Variants in SRRM4 observed in about 807,000 individuals in gnomAD.
SRRM4 encodes serine/arginine repetitive matrix protein 4.
Under a neutral mutation model 68.9 loss-of-function variants are expected in SRRM4, and 33 were observed. That is an observed-to-expected ratio of 0.48 (90% confidence interval 0.36 to 0.64). The LOEUF (loss-of-function observed/expected upper bound fraction) is 0.64, where lower values mean the gene tolerates loss of function less well. SRRM4 is among the 30% of genes least tolerant of loss of function. SRRM4 has a pLI of 0.00. For synonymous variants in SRRM4, 318 were observed against 318.8 expected (o/e 1.00, Z 0.03); for missense variants, 817 against 827.1 (o/e 0.99, Z 0.15).
chr12:119,105,860 C>T (rs533575472), intron 2 of SRRM4, among the ~76,000 whole-genome samples: 6,001 of 152,214 alleles, frequency 0.039, 132 homozygotes, highest in African/African-American at 0.056. Flanking sequence ...CTTTTGTTGC[C>T]ATTGCTTTTG....
intron 8 of SRRM4, among the ~76,000 whole-genome samples, chr12:119,140,511 C>T (rs147565793): frequency 1.3e-5 from 2 of 152,312 alleles, no homozygotes; most frequent in African/African-American, 4.8e-5. Flanking sequence ...TCCCACTACC[C>T]TTCCCAGTCT....
chr12:119,022,163 C>CTTAAAATAAAATTTAATAAAAT (rs901851014), intron 1 of SRRM4, among the ~76,000 whole-genome samples: 8 of 151,358 alleles, frequency 5.3e-5, no homozygotes, highest in African/African-American at 1.9e-4. Flanking sequence ...TATCCTGGAA[C>CTTAAAATAAAATTTAATAAAAT]TTAAAATAAA....
chr12:119,068,481 C>A (rs945717971), intron 1 of SRRM4, among the ~76,000 whole-genome samples: 17 of 152,206 alleles, frequency 1.1e-4, no homozygotes, highest in African/African-American at 4.1e-4. Flanking sequence ...CTTCAGCAAG[C>A]AAAGAGAAGA....
At chr12:119,078,164 G>T (rs1477232270) in intron 1 of SRRM4, among the ~76,000 whole-genome samples, 1 of 152,096 alleles carries the variant, frequency 6.6e-6, no homozygotes, top group Non-Finnish European at 1.5e-5. Flanking sequence ...TCATGACTTT[G>T]GGAAAACTAT....
chr12:119,085,063 G>T (rs745745854), intron 1 of SRRM4, among the ~76,000 whole-genome samples: 2 of 152,042 alleles, frequency 1.3e-5, no homozygotes, highest in Admixed American at 1.3e-4. Flanking sequence ...ACCACGCTGG[G>T]CTAATTTTTG....
Position 118,998,263 on chromosome 12 carries a change from T to C in SRRM4, c.131+16250T>C, listed in dbSNP as rs973333217. On this transcript the variant is annotated intron_variant, in intron 1 of 12. Transcript: ENST00000267260. ...TGTGCAACTGAGTGGATAAGAGCAATATGGCAAAAAAAAAAAAAAAAAAAA... is the reference window on the plus strand; with the variant it reads ...TGTGCAACTGAGTGGATAAGAGCAACATGGCAAAAAAAAAAAAAAAAAAAA... 1.3e-4 allele frequency among the ~76,000 whole-genome samples: 4 copies of C among 30,658 alleles called. No individual in the cohort carries two copies. In the Admixed American group the frequency reaches 1.7e-3, roughly 13 times the overall value. 20.1% of individuals were successfully genotyped at this position (30,658 alleles called of 152,430 possible).
chr12:119,125,305 A>C, intron 6 of SRRM4, 76 bp from the exon 7 acceptor site: 1 of 1,368,658 alleles, frequency 7.3e-7, no homozygotes, highest in Non-Finnish European at 1.0e-6. Context: ...CGGGTGTCAC[A>C]AGATCAAATC....
At chr12:119,110,515 T>C (rs1355179092) in intron 2 of SRRM4, among the ~76,000 whole-genome samples, 1 of 152,200 alleles carries the variant, frequency 6.6e-6, no homozygotes, top group African/African-American at 2.4e-5. Context: ...CTACTTAAGC[T>C]TCAGCAATGG....
At chr12:119,068,030 G>A (rs970927824) in intron 1 of SRRM4, among the ~76,000 whole-genome samples, 1 of 152,232 alleles carries the variant, frequency 6.6e-6, no homozygotes, top group Non-Finnish European at 1.5e-5. Context: ...TTGACAGAAT[G>A]CAAGTCCACT....
At chr12:118,991,579 A>G (rs1248086777) in intron 1 of SRRM4, 1 of 152,248 alleles carries the variant, frequency 6.6e-6, no homozygotes, top group African/African-American at 2.4e-5. Context: ...CTCTTCCCCC[A>G]GATACGCAGC....
chr12:119,091,215 A>C (rs745432280), intron 1 of SRRM4, among the ~76,000 whole-genome samples: 8 of 152,198 alleles, frequency 5.3e-5, no homozygotes, highest in Non-Finnish European at 1.2e-4. Flanking sequence ...CCTGTGAGTG[A>C]CCCTGCAGTG....
chr12:119,068,146 T>G (rs944570117), intron 1 of SRRM4, among the ~76,000 whole-genome samples: 1 of 152,238 alleles, frequency 6.6e-6, no homozygotes, highest in Non-Finnish European at 1.5e-5. Flanking sequence ...CCTTCTCGTC[T>G]TGGCTTTGTG....
intron 1 of SRRM4, among the ~76,000 whole-genome samples, chr12:119,012,033 G>T (rs1170663028): frequency 6.6e-6 from 1 of 152,174 alleles, no homozygotes; most frequent in South Asian, 2.1e-4. Flanking sequence ...CTCAGTAAAT[G>T]GTTGCCATAA....
intron 1 of SRRM4, among the ~76,000 whole-genome samples, chr12:119,100,272 C>T (rs1954070246): frequency 7.0e-6 from 1 of 142,094 alleles, no homozygotes. Context: ...AGGAGGATTG[C>T]TTGAGCCCAG....
chr12:119,002,871 A>G (rs914391056), intron 1 of SRRM4, among the ~76,000 whole-genome samples: 2 of 152,106 alleles, frequency 1.3e-5, no homozygotes, highest in Admixed American at 6.5e-5. Context: ...AGTAACACCC[A>G]GCATCTATTA....
intron 1 of SRRM4, among the ~76,000 whole-genome samples, chr12:119,031,863 A>C (rs1953594036): frequency 6.6e-6 from 1 of 152,142 alleles, no homozygotes; most frequent in African/African-American, 2.4e-5. Context: ...TGCATATCTT[A>C]GATATTTTTT....
chr12:118,999,414 G>T (rs1953369633), intron 1 of SRRM4, among the ~76,000 whole-genome samples: 3 of 152,272 alleles, frequency 2.0e-5, no homozygotes, highest in Admixed American at 2.0e-4. Context: ...GCCTCAGGGA[G>T]CCCAATCTTA....
At position 119,118,843 on chromosome 12, in the gene SRRM4, T is replaced by G. The variant is rs917234876; in HGVS notation, c.438-1407T>G. On this transcript the variant is annotated intron_variant, in intron 4 of 12. Coordinates refer to ENST00000267260, the MANE Select transcript of SRRM4 (RefSeq NM_194286.4). Reference sequence around the variant, plus strand: ...TCAGAAACAGGCTTTTCCTGCCCGGTCAGCCCAGGTCTTAGAGCTTTACAG... The same window carrying G: ...TCAGAAACAGGCTTTTCCTGCCCGGGCAGCCCAGGTCTTAGAGCTTTACAG... Among the ~76,000 whole-genome samples the G allele has an allele frequency of 3.3e-5, 5 of 152,154 alleles. No homozygotes were observed. The South Asian group carries it at 8.3e-4, about 25-fold the overall frequency.
At chr12:118,988,562 G>A (rs868181250) in intron 1 of SRRM4, among the ~76,000 whole-genome samples, 14 of 152,140 alleles carry the variant, frequency 9.2e-5, no homozygotes, top group African/African-American at 2.2e-4. Flanking sequence ...GGATTATAGC[G>A]AGCCTGCAAA....
Sources: allele counts gnomAD v4.1 joint callset (sites outside exome capture counted in the v4.1 genomes callset), GRCh38; gene constraint gnomAD v4.1.1; transcripts MANE v1.5; gene names NCBI Gene and HGNC (gene_info 2026-07-23, HGNC 2026-07-21).